Variants in PRTFDC1 observed in about 807,000 individuals in gnomAD.
PRTFDC1 encodes the protein phosphoribosyl transferase domain containing 1.
In PRTFDC1, 38 loss-of-function variants were observed where a neutral mutation model predicts 34.6. The observed-to-expected ratio is 1.10, with a 90% confidence interval of 0.85 to 1.44. PRTFDC1 has a LOEUF of 1.44. Among genes scored for constraint, PRTFDC1 ranks in the 40% most tolerant of loss-of-function variants. PRTFDC1 has a pLI of 0.00. For missense variants in PRTFDC1, 270 were observed against 283.0 expected (o/e 0.95, Z 0.33); for synonymous variants, 93 against 98.1 (o/e 0.95, Z 0.31).
In PRTFDC1 at chr10:24,923,024, C is replaced by T. The variant is rs146527026; in HGVS notation, c.339+14160G>A. Among the ~76,000 whole-genome samples the T allele has an allele frequency of 3.0e-3, 452 of 152,342 alleles. 9 individuals carry two copies. Among genetic ancestry groups the T allele is most frequent in the Middle Eastern group, 0.02 (6 of 294 alleles). On this transcript the variant is annotated intron_variant, in intron 3 of 8. Coordinates refer to ENST00000320152, the MANE Select transcript of PRTFDC1 (RefSeq NM_020200.7). ...CTGTGCCTGGCTCAGCAGTCCCATG[C>T]CCATGGAGCCTTGCTCACTGCTAGC... is the stretch of plus-strand genomic sequence containing the variant.
intron 4 of PRTFDC1, among the ~76,000 whole-genome samples, chr10:24,868,372 T>TAA (rs1490137260): frequency 6.6e-6 from 1 of 152,134 alleles, no homozygotes; most frequent in Non-Finnish European, 1.5e-5. Context: ...GGGCTCTTCT[T>TAA]AGAGTGCCAA....
intron 7 of PRTFDC1, among the ~76,000 whole-genome samples, chr10:24,854,630 C>T (rs1847542426): frequency 6.6e-6 from 1 of 152,122 alleles, no homozygotes; most frequent in Non-Finnish European, 1.5e-5. Flanking sequence ...GTTTATCCTT[C>T]TTGGTGTTAG....
chr10:24,949,743 T>TA (rs1240052836), intron 1 of PRTFDC1, among the ~76,000 whole-genome samples: 1 of 100,958 alleles, frequency 9.9e-6, no homozygotes, highest in Middle Eastern at 5.6e-3. Flanking sequence ...TTATTTATTT[T>TA]TTTTTTTTTT....
intron 3 of PRTFDC1, among the ~76,000 whole-genome samples, chr10:24,911,364 T>C (rs1247742942): frequency 6.6e-6 from 1 of 152,226 alleles, no homozygotes; most frequent in African/African-American, 2.4e-5. Context: ...GCTCTTTTAC[T>C]GAACACAGTG....
At chr10:24,909,611 A>G (rs1026900271) in intron 3 of PRTFDC1, among the ~76,000 whole-genome samples, 39 of 152,300 alleles carry the variant, frequency 2.6e-4, no homozygotes, top group African/African-American at 7.0e-4. Flanking sequence ...TTTGTATAGG[A>G]AAAAAATCCC....
intron 3 of PRTFDC1, among the ~76,000 whole-genome samples, chr10:24,905,161 AAATT>A (rs1404425814): frequency 6.6e-6 from 1 of 151,886 alleles, no homozygotes; most frequent in Non-Finnish European, 1.5e-5. Flanking sequence ...AAAAAAAAAA[AAATT>A]AGCCAGGCAC....
At chr10:24,886,452 G>GCCT (rs1848165326) in intron 3 of PRTFDC1, among the ~76,000 whole-genome samples, 1 of 152,140 alleles carries the variant, frequency 6.6e-6, no homozygotes, top group African/African-American at 2.4e-5. Flanking sequence ...TTGCTCCAAA[G>GCCT]CCTCCACCTG....
At chr10:24,928,956 G>C (rs73606592) in intron 3 of PRTFDC1, among the ~76,000 whole-genome samples, 47,657 of 149,066 alleles carry the variant, frequency 0.32, 9,019 homozygotes, top group African/African-American at 0.52. Context: ...AGGAGAATGG[G>C]GTGAACCCAG....
chr10:24,873,952 G>C (rs1847920633), intron 3 of PRTFDC1, among the ~76,000 whole-genome samples: 1 of 145,908 alleles, frequency 6.9e-6, no homozygotes, highest in South Asian at 2.2e-4. Flanking sequence ...CTGTCACCTA[G>C]CCTGGAGAGC....
chr10:24,926,575 C>T (rs113988897), intron 3 of PRTFDC1, among the ~76,000 whole-genome samples: 48 of 152,322 alleles, frequency 3.2e-4, no homozygotes, highest in African/African-American at 1.1e-3. Context: ...TCTCGAACTC[C>T]GGAGCTGAAG....
At chr10:24,868,443 T>C (rs534067459) in intron 4 of PRTFDC1, among the ~76,000 whole-genome samples, 1 of 152,216 alleles carries the variant, frequency 6.6e-6, no homozygotes, top group South Asian at 2.1e-4. Flanking sequence ...AATAACATGA[T>C]GATAAATGTA....
intron 4 of PRTFDC1, among the ~76,000 whole-genome samples, chr10:24,862,520 G>A (rs948665431): frequency 3.3e-5 from 5 of 151,950 alleles, no homozygotes; most frequent in African/African-American, 7.3e-5. Context: ...GATTACAAGT[G>A]TGCACCATCA....
At chr10:24,946,428 A>C (rs1849251779) in intron 1 of PRTFDC1, among the ~76,000 whole-genome samples, 1 of 152,224 alleles carries the variant, frequency 6.6e-6, no homozygotes, top group Non-Finnish European at 1.5e-5. Context: ...GCCAAAAATG[A>C]ATGCCAAAAA....
At chr10:24,882,348 C>T (rs533817601) in intron 3 of PRTFDC1, among the ~76,000 whole-genome samples, 2 of 152,270 alleles carry the variant, frequency 1.3e-5, no homozygotes, top group African/African-American at 4.8e-5. Context: ...CAAAGCACAT[C>T]CAACTGAAAT....
chr10:24,873,147 T>G (rs1847906202), intron 3 of PRTFDC1, among the ~76,000 whole-genome samples: 1 of 152,066 alleles, frequency 6.6e-6, no homozygotes, highest in South Asian at 2.1e-4. Context: ...TTTAGAAGAC[T>G]TTTCATTCAA....
In PRTFDC1 at chr10:24,895,253, C is replaced by CTTTTTTTTTTTTT. The variant is rs60331186; in HGVS notation, c.340-23203_340-23191dup. ...TCCTTCTTCTGGAAATCTCCACTTT[C>CTTTTTTTTTTTTT]TTTTTTTTTTTTTTTTTGAGATGGA... On this transcript the variant is annotated intron_variant, in intron 3 of 8. Transcript: ENST00000320152. 8.8e-4 allele frequency among the ~76,000 whole-genome samples: 93 copies of CTTTTTTTTTTTTT among 105,172 alleles called. 3 individuals are homozygous for CTTTTTTTTTTTTT. Among genetic ancestry groups the CTTTTTTTTTTTTT allele is most frequent in the African/African-American group, 1.5e-3 (38 of 24,768 alleles). 69.0% of individuals were successfully genotyped at this position (105,172 alleles called of 152,430 possible).
intron 3 of PRTFDC1, among the ~76,000 whole-genome samples, chr10:24,872,685 G>GTA (rs2132512671): frequency 6.8e-6 from 1 of 147,666 alleles, no homozygotes; most frequent in African/African-American, 2.5e-5. Flanking sequence ...ACGTGTGTGT[G>GTA]TGTATATATA....
intron 3 of PRTFDC1, among the ~76,000 whole-genome samples, chr10:24,882,142 G>C (rs1400593655): frequency 6.8e-6 from 1 of 147,464 alleles, no homozygotes. Context: ...GGGAGGCAGA[G>C]GTTGCAGTGA....
chr10:24,858,980 G>T (rs185057821), intron 4 of PRTFDC1, among the ~76,000 whole-genome samples: 30 of 152,254 alleles, frequency 2.0e-4, no homozygotes, highest in South Asian at 1.7e-3. Context: ...TTTGCAACAA[G>T]CTCTCAAGGC....
Sources: gnomAD v4.1 joint callset for allele counts (sites outside exome capture counted in the v4.1 genomes callset) on GRCh38, gnomAD v4.1.1 for gene constraint, MANE v1.5 for transcripts, NCBI Gene and HGNC (gene_info 2026-07-23, HGNC 2026-07-21) for gene names.